The following SPSB1 variants were observed in gnomAD, a reference collection of about 807,000 sequenced individuals.
The protein encoded by SPSB1 is SPRY domain-containing SOCS box protein 1.
In SPSB1, 8 loss-of-function variants were observed where a neutral mutation model predicts 21.2. That is an observed-to-expected ratio of 0.38 (90% CI 0.22 to 0.68). The LOEUF (loss-of-function observed/expected upper bound fraction) is 0.68, where lower values mean the gene tolerates loss of function less well. Among genes scored for constraint, SPSB1 ranks in the 30% least tolerant of loss-of-function variants. The probability of loss-of-function intolerance (pLI) is 0.53; values close to 1 mark genes in which losing one functional copy is unlikely to be tolerated. For missense variants in SPSB1, 242 were observed against 377.8 expected (o/e 0.64, Z 2.98); for synonymous variants, 169 against 161.7 (o/e 1.05, Z -0.34).
intron 1 of SPSB1, among the ~76,000 whole-genome samples, chr1:9,340,519 T>C (rs534822476): frequency 1.3e-5 from 2 of 152,332 alleles, no homozygotes; most frequent in East Asian, 3.9e-4. Flanking sequence ...GAACGGAAAC[T>C]TGGGACCATG....
intron 1 of SPSB1, among the ~76,000 whole-genome samples, chr1:9,314,574 T>G (rs898469544): frequency 1.3e-5 from 2 of 152,210 alleles, no homozygotes; most frequent in Admixed American, 1.3e-4. Flanking sequence ...GCCTCTGCTC[T>G]TCATCTGGTA....
chr1:9,361,785 A>G (rs1351235727), intron 2 of SPSB1, among the ~76,000 whole-genome samples: 1 of 152,124 alleles, frequency 6.6e-6, no homozygotes, highest in Admixed American at 6.5e-5. Flanking sequence ...GGAGATGGCC[A>G]TTGCTGAGTG....
At chr1:9,319,435 C>G (rs1024244150) in intron 1 of SPSB1, among the ~76,000 whole-genome samples, 3 of 152,158 alleles carry the variant, frequency 2.0e-5, no homozygotes, top group African/African-American at 7.2e-5. Flanking sequence ...CTTCCTCCTT[C>G]TCCTCCCTCT....
chr1:9,354,005 C>T (rs895295028), intron 1 of SPSB1, among the ~76,000 whole-genome samples: 1 of 151,854 alleles, frequency 6.6e-6, no homozygotes, highest in African/African-American at 2.4e-5. Flanking sequence ...GGGGTCGGGG[C>T]ACCAAGTGTT....
chr1:9,344,432 C>T (rs531973255), intron 1 of SPSB1, among the ~76,000 whole-genome samples: 25 of 152,264 alleles, frequency 1.6e-4, no homozygotes, highest in Non-Finnish European at 3.2e-4. Flanking sequence ...GGTCTCGTGA[C>T]GGGACCGAGC....
chr1:9,361,156 CTTTTTTTTTTT>C (rs57871457), intron 2 of SPSB1, among the ~76,000 whole-genome samples: 2 of 102,578 alleles, frequency 1.9e-5, no homozygotes, highest in African/African-American at 4.1e-5. Flanking sequence ...CTGTCATTTT[CTTTTTTTTTTT>C]TTTTTTTTTT....
At chr1:9,294,202 C>A (rs1367963140) in intron 1 of SPSB1, among the ~76,000 whole-genome samples, 1 of 151,006 alleles carries the variant, frequency 6.6e-6, no homozygotes, top group African/African-American at 2.4e-5. Context: ...GTCTCTGTGT[C>A]TTTGTGTCTG....
chr1:9,353,441 C>T (rs567219537), intron 1 of SPSB1, among the ~76,000 whole-genome samples: 50 of 152,242 alleles, frequency 3.3e-4, no homozygotes, highest in African/African-American at 1.1e-3. Flanking sequence ...GAACTAAAAG[C>T]TTGAAAATGG....
At position 9,307,340 on chromosome 1, in the gene SPSB1, A is replaced by C. The variant is rs908911707; in HGVS notation, c.-150+14269A>C. Reference sequence around the variant, plus strand: ...TGTCGTGCAACTATCCCCTCTGTCTAGTTCCAAACCATCTTCATCCCGCCG... The same window carrying C: ...TGTCGTGCAACTATCCCCTCTGTCTCGTTCCAAACCATCTTCATCCCGCCG... On this transcript the variant is annotated intron_variant, in intron 1 of 2. Transcript: ENST00000328089. Among the ~76,000 whole-genome samples the C allele has an allele frequency of 1.2e-4, 18 of 152,198 alleles. 1 individual carries two copies. Among genetic ancestry groups the C allele is most frequent in the Admixed American group, 1.2e-3 (18 of 15,278 alleles).
At chr1:9,360,506 G>A (rs748487224) in intron 2 of SPSB1, among the ~76,000 whole-genome samples, 1 of 152,166 alleles carries the variant, frequency 6.6e-6, no homozygotes, top group Non-Finnish European at 1.5e-5. Context: ...AGGAGGCCAG[G>A]TGTCTGCGAT....
At chr1:9,338,890 A>T (rs1452702086) in intron 1 of SPSB1, among the ~76,000 whole-genome samples, 1 of 152,216 alleles carries the variant, frequency 6.6e-6, no homozygotes, top group African/African-American at 2.4e-5. Context: ...TGCAGCAGCC[A>T]CAGAACAGGA....
At chr1:9,309,299 A>AGTGT (rs773941473) in intron 1 of SPSB1, among the ~76,000 whole-genome samples, 115 of 108,118 alleles carry the variant, frequency 1.1e-3, no homozygotes, top group African/African-American at 3.1e-3. Flanking sequence ...AGAGAGAGAG[A>AGTGT]GAGTGTGTGT....
At chr1:9,323,147 C>T (rs1026785601) in intron 1 of SPSB1, among the ~76,000 whole-genome samples, 1 of 152,248 alleles carries the variant, frequency 6.6e-6, no homozygotes, top group Non-Finnish European at 1.5e-5. Flanking sequence ...TTCCTTCCTG[C>T]TGCCATGTTG....
At chr1:9,300,621 A>C (rs1211134995) in intron 1 of SPSB1, among the ~76,000 whole-genome samples, 1 of 152,208 alleles carries the variant, frequency 6.6e-6, no homozygotes, top group East Asian at 1.9e-4. Context: ...TCAGCCACGA[A>C]GTTGCCATGT....
rs533919182 is a variant in SPSB1 at position 9,352,766 on chromosome 1, G to C, written c.-149-2977G>C. Among the ~76,000 whole-genome samples the C allele has an allele frequency of 2.1e-4, 31 of 150,820 alleles. No homozygotes were observed. In the East Asian group the frequency reaches 4.3e-3, roughly 21 times the overall value. ...CTTCCCCCCTCAACCTCCCTGTTATGGTCCCTCCTGGCATTTTCAATTACC... is the reference window on the plus strand; with the variant it reads ...CTTCCCCCCTCAACCTCCCTGTTATCGTCCCTCCTGGCATTTTCAATTACC... On this transcript the variant is annotated intron_variant, in intron 1 of 2. Transcript: ENST00000328089.
rs1639397245 is a variant in SPSB1 at position 9,305,579 on chromosome 1, G to C, written c.-150+12508G>C. Reference sequence around the variant, plus strand: ...CTGGGAGAGCTCGATGTGGGCCCAGGGTGTGGGTGCTGGGGGTGGGGACTC... The same window carrying C: ...CTGGGAGAGCTCGATGTGGGCCCAGCGTGTGGGTGCTGGGGGTGGGGACTC... On this transcript the variant is annotated intron_variant, in intron 1 of 2. Transcript: ENST00000328089. The surrounding 1 kb of genome is among the most constrained non-coding windows in gnomAD (Gnocchi z 4.8). Among the ~76,000 whole-genome samples, 1 of 152,216 alleles carries C rather than the reference G, an allele frequency of 6.6e-6. No individual in the cohort carries two copies. The highest frequency in any genetic ancestry group is 1.5e-5 in the Non-Finnish European group (1 of 68,034).
chr1:9,304,754 G>A (rs537002340), intron 1 of SPSB1, among the ~76,000 whole-genome samples: 4 of 152,168 alleles, frequency 2.6e-5, no homozygotes, highest in South Asian at 4.1e-4. Context: ...TGTCCAGATG[G>A]CAACTGGGCT....
chr1:9,355,866 G>A lies in SPSB1; in HGVS notation c.-26G>A, dbSNP rs900727299. 1.3e-6 allele frequency: 2 copies of A among 1,526,262 alleles called. No homozygotes were observed. The highest frequency in any genetic ancestry group is 2.6e-5 in the South Asian group (2 of 77,350). The allele number at this position is 1,526,262 out of a possible 1,614,324, so 94.5% of individuals were successfully genotyped here. On this transcript the variant is annotated 5_prime_UTR_variant, in exon 2 of 3. Coordinates refer to ENST00000328089, the MANE Select transcript of SPSB1 (RefSeq NM_025106.4). ...ATTGATGAGTTTGCCTTGGGAGTCGGTAAGAAGGTGAAGCCAGGGGCGAAC... is the reference window on the plus strand; with the variant it reads ...ATTGATGAGTTTGCCTTGGGAGTCGATAAGAAGGTGAAGCCAGGGGCGAAC...
At position 9,367,681 on chromosome 1, in the gene SPSB1, A is replaced by G. The variant is rs900141702; in HGVS notation, c.*106A>G. 20 of 1,455,540 alleles carry G rather than the reference A, an allele frequency of 1.4e-5. No individual in the cohort carries two copies. The highest frequency in any genetic ancestry group is 1.2e-5 in the Non-Finnish European group (13 of 1,098,780). 90.2% of individuals were successfully genotyped at this position (1,455,540 alleles called of 1,614,324 possible). On this transcript the variant is annotated 3_prime_UTR_variant, in exon 3 of 3. Coordinates refer to ENST00000328089, the MANE Select transcript of SPSB1 (RefSeq NM_025106.4). This position sits in a 1 kb window ranked among gnomAD's most constrained non-coding sequence, Gnocchi z 5.9. ...GCACCTTGGACCGGCATCCGTAGCCATGGACAGAGGTCCCTGGTCTTCCCT... is the reference window on the plus strand; with the variant it reads ...GCACCTTGGACCGGCATCCGTAGCCGTGGACAGAGGTCCCTGGTCTTCCCT...
Sources: allele counts gnomAD v4.1 joint callset (sites outside exome capture counted in the v4.1 genomes callset), GRCh38; gene constraint gnomAD v4.1.1; non-coding constraint Gnocchi (gnomAD v3.1); transcripts MANE v1.5; gene names NCBI Gene and HGNC (gene_info 2026-07-23, HGNC 2026-07-21).